TENM2: variants seen among roughly 807,000 people sequenced by gnomAD.
TENM2 encodes the protein teneurin transmembrane protein 2.
TENM2 carries 52 observed loss-of-function variants against 245.2 expected under a neutral mutation model. That is an observed-to-expected ratio of 0.21 (90% CI 0.17 to 0.27). TENM2 has a LOEUF of 0.27. Among genes scored for constraint, TENM2 ranks in the 10% least tolerant of loss-of-function variants. TENM2 has a pLI of 1.00. For synonymous variants in TENM2, 1,363 were observed against 1,438.9 expected, an observed-to-expected ratio of 0.95 and a Z score of 1.19; for missense variants, 3,046 against 3,666.8, an observed-to-expected ratio of 0.83 and a Z score of 4.37.
chr5:167,657,212 G>C (rs1754902119), intron 2 of TENM2, among the ~76,000 whole-genome samples: 1 of 152,130 alleles, frequency 6.6e-6, no homozygotes, highest in African/African-American at 2.4e-5. Flanking sequence ...TTTCACATGA[G>C]TGAGAACATG....
At chr5:167,491,081 G>A (rs1768403904) in intron 2 of TENM2, among the ~76,000 whole-genome samples, 1 of 152,168 alleles carries the variant, frequency 6.6e-6, no homozygotes, top group Non-Finnish European at 1.5e-5. Flanking sequence ...AGAGGCAAGT[G>A]TCCACTCTCT....
At chr5:167,231,698 G>A in the TENM2 span, among the ~76,000 whole-genome samples, 1 of 152,198 alleles carries the variant, frequency 6.6e-6, no homozygotes, top group African/African-American at 2.4e-5. Context: ...ATTGCAGCCT[G>A]ACAATGCAGT....
At chr5:167,156,188 G>A in the TENM2 span, among the ~76,000 whole-genome samples, 1 of 152,194 alleles carries the variant, frequency 6.6e-6, no homozygotes, top group Non-Finnish European at 1.5e-5. Flanking sequence ...GAATTCTCAA[G>A]TAAAATCGTG....
intron 2 of TENM2, among the ~76,000 whole-genome samples, chr5:167,516,255 T>G (rs1370266796): frequency 1.3e-5 from 2 of 152,158 alleles, no homozygotes; most frequent in African/African-American, 4.8e-5. Context: ...TGTAAATGCT[T>G]CTGGATTGCA....
intron 25 of TENM2, among the ~76,000 whole-genome samples, chr5:168,235,403 T>C (rs1765337737): frequency 6.6e-6 from 1 of 152,212 alleles, no homozygotes; most frequent in Non-Finnish European, 1.5e-5. Context: ...ACATTACTTT[T>C]GGGTGGCTTC....
At chr5:167,836,566 G>GA (rs771170853) in intron 2 of TENM2, among the ~76,000 whole-genome samples, 3 of 152,078 alleles carry the variant, frequency 2.0e-5, no homozygotes, top group East Asian at 1.9e-4. Flanking sequence ...AATAAATAGA[G>GA]AAAAAATGTC....
chr5:167,728,452 A>C (rs1469322743), intron 2 of TENM2, among the ~76,000 whole-genome samples: 1 of 151,848 alleles, frequency 6.6e-6, no homozygotes, highest in Non-Finnish European at 1.5e-5. Flanking sequence ...AAAAATAAAA[A>C]ATAAAAAAAA....
the TENM2 span, among the ~76,000 whole-genome samples, chr5:167,028,349 C>A: frequency 6.6e-6 from 1 of 151,858 alleles, no homozygotes; most frequent in Non-Finnish European, 1.5e-5. Flanking sequence ...TGAAATGAAT[C>A]CCTAGTATTG....
rs66529660 is a variant in TENM2, at chr5:167,909,068, CTT to C, written c.712+32888_712+32889del. Among the ~76,000 whole-genome samples, 149 of 135,498 alleles carry C rather than the reference CTT, an allele frequency of 1.1e-3. No individual in the cohort carries two copies. The South Asian group carries it at 0.012, about 11-fold the overall frequency. 88.9% of individuals were successfully genotyped at this position (135,498 alleles called of 152,430 possible). On this transcript the variant is annotated intron_variant, in intron 3 of 28. Coordinates refer to ENST00000518659, the Ensembl canonical transcript of TENM2. ...TATATTTTCGTTTTCTTTTCTCTCT[CTT>C]TTTTTTTTTTTTTTAGTAAAAATTG...
At chr5:168,013,276 C>A (rs1785392951) in intron 5 of TENM2, among the ~76,000 whole-genome samples, 2 of 152,140 alleles carry the variant, frequency 1.3e-5, no homozygotes, top group African/African-American at 4.8e-5. Context: ...CGCCAAAAAT[C>A]AACAGTGTCT....
the TENM2 span, among the ~76,000 whole-genome samples, chr5:167,028,607 A>G: frequency 6.6e-6 from 1 of 152,232 alleles, no homozygotes; most frequent in Non-Finnish European, 1.5e-5. Context: ...TAAAAACAAT[A>G]TATTAGATAT....
chr5:167,982,652 T>C (rs553769602), intron 4 of TENM2, among the ~76,000 whole-genome samples: 128 of 151,864 alleles, frequency 8.4e-4, no homozygotes, highest in Non-Finnish European at 1.6e-3. Context: ...CCTGGAGGAG[T>C]TGAGATTTGA....
the TENM2 span, among the ~76,000 whole-genome samples, chr5:167,207,660 G>A: frequency 3.3e-4 from 51 of 152,272 alleles, no homozygotes; most frequent in Non-Finnish European, 6.5e-4. Flanking sequence ...TGACTTCCTC[G>A]TGCCTTAGTT....
chr5:167,237,083 A>T, the TENM2 span, among the ~76,000 whole-genome samples: 3 of 152,136 alleles, frequency 2.0e-5, no homozygotes, highest in Admixed American at 2.0e-4. Context: ...TGGATCAACA[A>T]ATATCTTGTA....
intron 2 of TENM2, among the ~76,000 whole-genome samples, chr5:167,860,140 A>G (rs1771611183): frequency 1.2e-5 from 1 of 80,574 alleles, no homozygotes. Flanking sequence ...CCTACTGGGA[A>G]GTGAGGAGCC....
chr5:167,128,263 A>G, the TENM2 span, among the ~76,000 whole-genome samples: 34 of 152,292 alleles, frequency 2.2e-4, no homozygotes, highest in Middle Eastern at 0.01. Flanking sequence ...ATTTCTCAGC[A>G]TGGCCTACAA....
chr5:168,253,954 C>G (rs955656401), intron 27 of TENM2, among the ~76,000 whole-genome samples: 2 of 152,224 alleles, frequency 1.3e-5, no homozygotes, highest in Non-Finnish European at 2.9e-5. Flanking sequence ...GCATATATCC[C>G]CTATCCCTTT....
the TENM2 span, among the ~76,000 whole-genome samples, chr5:167,187,996 A>C: frequency 6.6e-6 from 1 of 152,252 alleles, no homozygotes; most frequent in Non-Finnish European, 1.5e-5. Context: ...TGTTATGGAA[A>C]CCAGGTGTTA....
the TENM2 span, among the ~76,000 whole-genome samples, chr5:167,147,854 G>T: frequency 2.6e-5 from 4 of 152,088 alleles, 1 homozygote; most frequent in Admixed American, 1.3e-4. Flanking sequence ...CAAAAGTCAT[G>T]ATTACTTTAC....
Sources: gnomAD v4.1 joint callset for allele counts (sites outside exome capture counted in the v4.1 genomes callset) on GRCh38, gnomAD v4.1.1 for gene constraint, MANE v1.5 for transcripts, NCBI Gene and HGNC (gene_info 2026-07-23, HGNC 2026-07-21) for gene names.